Variants in ZNF385D observed in about 807,000 individuals in gnomAD.
ZNF385D encodes zinc finger protein 385D.
In ZNF385D, 15 loss-of-function variants were observed where a neutral mutation model predicts 35.8. That is an observed-to-expected ratio of 0.42 (90% confidence interval 0.28 to 0.64). The LOEUF (loss-of-function observed/expected upper bound fraction) is 0.64. ZNF385D is among the 30% of genes least tolerant of loss of function. The probability of loss-of-function intolerance (pLI) is 0.23; values close to 1 mark genes in which losing one functional copy is unlikely to be tolerated. For missense variants in ZNF385D, 474 were observed against 494.6 expected, an observed-to-expected ratio of 0.96 and a Z score of 0.39; for synonymous variants, 212 against 186.8, an observed-to-expected ratio of 1.13 and a Z score of -1.10.
intron 4 of ZNF385D, among the ~76,000 whole-genome samples, chr3:21,454,251 G>A (rs9809197): frequency 6.6e-6 from 1 of 151,906 alleles, no homozygotes; most frequent in African/African-American, 2.4e-5. Context: ...TGCTGAAAAT[G>A]TTCTGGAATT....
chr3:21,920,066 T>C (rs1700377227), intron 3 of ZNF385D, among the ~76,000 whole-genome samples: 1 of 152,184 alleles, frequency 6.6e-6, no homozygotes, highest in Non-Finnish European at 1.5e-5. Flanking sequence ...AGCCAAAGTA[T>C]ATTTTGGTAT....
intron 2 of ZNF385D, among the ~76,000 whole-genome samples, chr3:22,354,766 C>G (rs914417951): frequency 6.6e-6 from 1 of 151,968 alleles, no homozygotes; most frequent in African/African-American, 2.4e-5. Context: ...TTACCAGAAA[C>G]AATCATGATG....
intron 3 of ZNF385D, among the ~76,000 whole-genome samples, chr3:21,800,457 T>A (rs1231645483): frequency 6.6e-6 from 1 of 152,172 alleles, no homozygotes; most frequent in African/African-American, 2.4e-5. Context: ...AGAATAAAAG[T>A]TGAACATCTA....
At chr3:22,030,297 A>ATATATATATATGTATG (rs1697907748) in intron 3 of ZNF385D, among the ~76,000 whole-genome samples, 1 of 110,158 alleles carries the variant, frequency 9.1e-6, no homozygotes, top group African/African-American at 4.0e-5. Context: ...ATATATATAT[A>ATATATATATATGTATG]TATATCCTAT....
chr3:21,547,906 C>CG (rs1420842599), intron 3 of ZNF385D, among the ~76,000 whole-genome samples: 1 of 152,090 alleles, frequency 6.6e-6, no homozygotes, highest in Non-Finnish European at 1.5e-5. Flanking sequence ...CCAATGCACC[C>CG]GGCCACACGT....
chr3:21,731,214 T>C (rs144240266), intron 1 of ZNF385D, among the ~76,000 whole-genome samples: 265 of 152,348 alleles, frequency 1.7e-3, no homozygotes, highest in African/African-American at 6.0e-3. Flanking sequence ...CATTTACCAA[T>C]CCATTAAGTG....
rs369982391 is a variant in ZNF385D, at chr3:22,142,477, G to T, written c.325+26340C>A. Among the ~76,000 whole-genome samples, 5 of 152,212 alleles carry T rather than the reference G, an allele frequency of 3.3e-5. No individual in the cohort carries two copies. The East Asian group carries it at 9.7e-4, about 29-fold the overall frequency. ...GATGGTTTAATTCTGCTGAAGTTATGAACAAAAGCAGCTATAAAATCAATT... is the reference window on the plus strand; with the variant it reads ...GATGGTTTAATTCTGCTGAAGTTATTAACAAAAGCAGCTATAAAATCAATT... On this transcript the variant is annotated intron_variant, in intron 3 of 5. Coordinates refer to the ZNF385D transcript ENST00000494108.
intron 1 of ZNF385D, among the ~76,000 whole-genome samples, chr3:21,747,295 G>C (rs2069822124): frequency 6.6e-6 from 1 of 152,114 alleles, no homozygotes; most frequent in South Asian, 2.1e-4. Context: ...TCTAATATTT[G>C]CCTCTTAATT....
intron 1 of ZNF385D, among the ~76,000 whole-genome samples, chr3:21,679,380 A>T (rs1055807597): frequency 1.3e-5 from 2 of 152,052 alleles, no homozygotes; most frequent in African/African-American, 4.8e-5. Context: ...ATCTCTTATG[A>T]TACTTACATT....
At chr3:21,865,819 T>C (rs1050676849) in intron 3 of ZNF385D, among the ~76,000 whole-genome samples, 7 of 152,140 alleles carry the variant, frequency 4.6e-5, no homozygotes, top group African/African-American at 1.7e-4. Flanking sequence ...AAATGTACTC[T>C]TTACTACTTC....
chr3:21,504,929 G>A (rs935056077), intron 4 of ZNF385D, among the ~76,000 whole-genome samples: 47 of 152,276 alleles, frequency 3.1e-4, no homozygotes, highest in African/African-American at 1.1e-3. Context: ...AGACACAGGT[G>A]TGGAGGCAGT....
intron 2 of ZNF385D, among the ~76,000 whole-genome samples, chr3:22,244,586 C>G (rs1461824004): frequency 2.0e-5 from 3 of 150,726 alleles, no homozygotes; most frequent in Non-Finnish European, 2.9e-5. Context: ...ATGTCCCTTT[C>G]AAGTACATCA....
intron 3 of ZNF385D, among the ~76,000 whole-genome samples, chr3:21,550,071 A>G (rs1336253838): frequency 6.6e-6 from 1 of 152,212 alleles, no homozygotes; most frequent in Non-Finnish European, 1.5e-5. Context: ...ATAATTTGAG[A>G]CAAAATATGC....
chr3:21,982,749 G>A (rs1694550626), intron 3 of ZNF385D, among the ~76,000 whole-genome samples: 2 of 151,890 alleles, frequency 1.3e-5, no homozygotes, highest in African/African-American at 2.4e-5. Flanking sequence ...TTATTTTGAG[G>A]TATGTTTCTA....
At chr3:21,456,633 G>T (rs1013514465) in intron 4 of ZNF385D, among the ~76,000 whole-genome samples, 2 of 152,098 alleles carry the variant, frequency 1.3e-5, no homozygotes, top group East Asian at 3.9e-4. Context: ...TATACCTAAT[G>T]TAAATGACAA....
intron 3 of ZNF385D, among the ~76,000 whole-genome samples, chr3:21,908,359 A>G (rs1699802504): frequency 6.6e-6 from 1 of 152,132 alleles, no homozygotes; most frequent in African/African-American, 2.4e-5. Context: ...ACAGATAGAT[A>G]CCTTTCCTAT....
rs1010711744 is a variant in ZNF385D at position 22,150,617 on chromosome 3, A to C, written c.325+18200T>G. ...TCTAATCTCTTCCTTCAGGCTACTAACTCAATTAGTCCACTAACGTTAAAT... is the reference window on the plus strand; with the variant it reads ...TCTAATCTCTTCCTTCAGGCTACTACCTCAATTAGTCCACTAACGTTAAAT... On this transcript the variant is annotated intron_variant, in intron 3 of 5. Transcript: ENST00000494108. 2.6e-5 allele frequency among the ~76,000 whole-genome samples: 4 copies of C among 152,148 alleles called. No homozygotes were observed. The East Asian group carries it at 5.8e-4, about 22-fold the overall frequency.
rs920191251 is a variant in ZNF385D, at chr3:21,576,637, G to T, written c.166-11953C>A. Among the ~76,000 whole-genome samples, 3 of 152,132 alleles carry T rather than the reference G, an allele frequency of 2.0e-5. No individual in the cohort carries two copies. The East Asian group carries it at 5.8e-4, about 29-fold the overall frequency. On this transcript the variant is annotated intron_variant, in intron 2 of 7. Transcript: ENST00000281523. ...CCATGTGTGATATCTCCAGTGGGTG[G>T]AGACTGTGTTTCACCCATGCTCATA... is the stretch of plus-strand genomic sequence containing the variant.
chr3:22,060,817 T>A (rs989630314), intron 3 of ZNF385D, among the ~76,000 whole-genome samples: 27 of 152,226 alleles, frequency 1.8e-4, no homozygotes, highest in African/African-American at 6.3e-4. Flanking sequence ...AAACAGTGAA[T>A]TTTAATTTAA....
Sources: allele counts gnomAD v4.1 joint callset (sites outside exome capture counted in the v4.1 genomes callset), GRCh38; gene constraint gnomAD v4.1.1; transcripts MANE v1.5; gene names NCBI Gene and HGNC (gene_info 2026-07-23, HGNC 2026-07-21).